TTC16: variants seen among roughly 807,000 people sequenced by gnomAD.
The protein encoded by TTC16 is tetratricopeptide repeat protein 16.
A neutral mutation model predicts 80.4 loss-of-function variants in TTC16; 66 were observed. That is an observed-to-expected ratio of 0.82 (90% CI 0.67 to 1.01). The LOEUF (loss-of-function observed/expected upper bound fraction) is 1.01, where lower values mean the gene tolerates loss of function less well. Among genes scored for constraint, TTC16 ranks in the 50% least tolerant of loss-of-function variants. The pLI is 0.00. For synonymous variants in TTC16, 438 were observed against 451.3 expected (o/e 0.97, Z 0.37); for missense variants, 1,070 against 1,103.2 (o/e 0.97, Z 0.43).
rs1843960368 is a variant in TTC16, at chr9:127,726,410, T to A, written c.1425+6T>A. 1.3e-6 allele frequency: 2 copies of A among 1,586,826 alleles called. No individual in the cohort carries two copies. Among genetic ancestry groups the A allele is most frequent in the African/African-American group, 2.7e-5 (2 of 74,268 alleles). On this transcript the variant is annotated splice_donor_region_variant and intron_variant, in intron 10 of 13. Transcript: ENST00000373289. The stretch of plus-strand genomic sequence containing the variant: ...TCAACCCCAAGCAACCAAAGGTAGG[T>A]TCCTGCCACGTCAGGAGTGTAGGCT...
In TTC16 at chr9:127,727,709, T is replaced by C. The variant is rs151023266; in HGVS notation, c.1764+244T>C. 9.6e-4 allele frequency: 710 copies of C among 738,810 alleles called. 3 individuals carry two copies. Among genetic ancestry groups the C allele is most frequent in the South Asian group, 3.7e-3 (106 of 28,734 alleles). The allele number at this position is 738,810 out of a possible 1,614,324, so 45.8% of individuals were successfully genotyped here. On this transcript the variant is annotated intron_variant, in intron 12 of 13. Coordinates refer to ENST00000373289, the MANE Select transcript of TTC16 (RefSeq NM_144965.3). The stretch of plus-strand genomic sequence containing the variant: ...GAGAGAGGAGTCACAGCCCTGCTCA[T>C]GGTCACTGTCATGAATTCTACTGTA...
At position 127,720,323 on chromosome 9, in the gene TTC16, C is replaced by T. The variant is rs201199680; in HGVS notation, c.585C>T (p.Asn195=). The stretch of plus-strand genomic sequence containing the variant: ...AGGCCTGCCTCACGCTCATCACCAA[C>T]GAGCTGAAGCAGGACACCACCAACG... ...QHQACLTLIT[N]ELKQDTTNAD... is the part of the protein sequence containing the mutation. Residue 195 remains asparagine (N), a synonymous_variant, in exon 6 of 14, where the codon AAC becomes AAT. Coordinates refer to ENST00000373289, the MANE Select transcript of TTC16 (RefSeq NM_144965.3). 1.3e-4 allele frequency: 205 copies of T among 1,613,392 alleles called. No individual in the cohort carries two copies. Among genetic ancestry groups the T allele is most frequent in the Middle Eastern group, 1.6e-4 (1 of 6,084 alleles).
At chr9:127,719,504 T>C (rs1304873535) in intron 4 of TTC16, among the ~76,000 whole-genome samples, 1 of 152,194 alleles carries the variant, frequency 6.6e-6, no homozygotes, top group African/African-American at 2.4e-5. Flanking sequence ...TGTTTTGTTT[T>C]GTTTTTGAGA....
At chr9:127,721,189 CCAGG>C (rs1425974403) in intron 6 of TTC16, among the ~76,000 whole-genome samples, 1 of 151,644 alleles carries the variant, frequency 6.6e-6, no homozygotes, top group Non-Finnish European at 1.5e-5. Context: ...GGAGCCTCCA[CCAGG>C]TGTCCCCAGG....
intron 12 of TTC16, chr9:127,729,334 A>C: frequency 4.3e-6 from 2 of 462,868 alleles, no homozygotes; most frequent in East Asian, 3.9e-5. Context: ...GCAGTTGAAA[A>C]AAACCAAGGC....
intron 2 of TTC16, 52 bp from the exon 3 acceptor site, chr9:127,717,282 G>C: frequency 6.4e-7 from 1 of 1,569,910 alleles, no homozygotes; most frequent in South Asian, 1.1e-5. Context: ...CTATGCCCTG[G>C]GCTGGTCCAC....
chr9:127,724,004 G>C, intron 7 of TTC16, 116 bp from the exon 8 acceptor site: 1 of 1,375,290 alleles, frequency 7.3e-7, no homozygotes, highest in Non-Finnish European at 9.6e-7. Context: ...GATCCCCACT[G>C]CCTCCATGGG....
chr9:127,727,684 G>T, intron 12 of TTC16: 1 of 948,982 alleles, frequency 1.1e-6, no homozygotes, highest in Non-Finnish European at 1.5e-6. Context: ...TGGGCCCTCA[G>T]AGAGAGGAGT....
chr9:127,728,026 C>T (rs1342687436), intron 12 of TTC16: 1 of 152,240 alleles, frequency 6.6e-6, no homozygotes, highest in Admixed American at 6.5e-5. Flanking sequence ...CACCCGGCCC[C>T]CAGAATTTTC....
At position 127,724,863 on chromosome 9, in the gene TTC16, CAGG is replaced by C. The variant is rs1179027468; in HGVS notation, c.1228_1230del (p.Glu410del). On this transcript the variant is annotated inframe_deletion, in exon 9 of 14. Transcript: ENST00000373289. ...CGCCAACACGCGCATGGGCCTGCTG[CAGG>C]AGAAGATGGGCTTCTGCGAGCAGAG... The C allele has an allele frequency of 1.3e-6, 2 of 1,579,370 alleles. No homozygotes were observed. Among genetic ancestry groups the C allele is most frequent in the Non-Finnish European group, 1.7e-6 (2 of 1,165,016 alleles).
chr9:127,726,807 A>C (rs1334830483), intron 10 of TTC16, among the ~76,000 whole-genome samples, 163 bp from the exon 11 acceptor site: 2 of 21,340 alleles, frequency 9.4e-5, no homozygotes, highest in East Asian at 4.7e-4. Flanking sequence ...AAAAAAAAAA[A>C]AAAAAAAAAA....
chr9:127,720,406 G>GGT lies in TTC16; in HGVS notation c.657+11_657+12insGT. On this transcript the variant is annotated intron_variant, in intron 6 of 13. Coordinates refer to ENST00000373289, the MANE Select transcript of TTC16 (RefSeq NM_144965.3). ...AACTTTCTCCAGAAGGTACAGTGGG[G>GGT]AGGGCGGGCAGGGGCATGCCCCCCA... 1 of 1,606,144 alleles carries GGT rather than the reference G, an allele frequency of 6.2e-7. No individual in the cohort carries two copies. The highest frequency in any genetic ancestry group is 8.5e-7 in the Non-Finnish European group (1 of 1,174,358).
Position 127,730,622 on chromosome 9 carries a change from C to T in TTC16, c.1853-14C>T. 1 of 1,608,204 alleles carries T rather than the reference C, an allele frequency of 6.2e-7. No individual in the cohort carries two copies. The highest frequency in any genetic ancestry group is 1.1e-5 in the South Asian group (1 of 90,826). ...CGGCAGGCCTGATGGGTGCTTTTGGCACCCCCTTCCTAGTCAGGACCACAG... is the reference window on the plus strand; with the variant it reads ...CGGCAGGCCTGATGGGTGCTTTTGGTACCCCCTTCCTAGTCAGGACCACAG... On this transcript the variant is annotated splice_polypyrimidine_tract_variant and intron_variant, in intron 13 of 13. Coordinates refer to ENST00000373289, the MANE Select transcript of TTC16 (RefSeq NM_144965.3).
rs998537897 is a variant in TTC16, at chr9:127,731,522, C to A, written c.*117C>A. 2.0e-6 allele frequency: 3 copies of A among 1,480,084 alleles called. No homozygotes were observed. The highest frequency in any genetic ancestry group is 2.7e-6 in the Non-Finnish European group (3 of 1,118,964). 91.7% of individuals were successfully genotyped at this position (1,480,084 alleles called of 1,614,324 possible). On this transcript the variant is annotated 3_prime_UTR_variant, in exon 14 of 14. Coordinates refer to ENST00000373289, the MANE Select transcript of TTC16 (RefSeq NM_144965.3). ...AGCAATTAAAAGTCTTAGCAACAGT[C>A]CTCTGGTCCCACAGCTGAGTTTATT...
intron 9 of TTC16, 77 bp from the exon 10 acceptor site, chr9:127,726,162 C>A: frequency 7.3e-7 from 1 of 1,363,274 alleles, no homozygotes; most frequent in Admixed American, 2.4e-5. Context: ...TCTAACTCCT[C>A]AGTGGGGCCC....
Position 127,730,830 on chromosome 9 carries a change from A to T in TTC16, c.2047A>T (p.Ser683Cys). 6.2e-7 allele frequency: 1 copy of T among 1,613,366 alleles called. No homozygotes were observed. The highest frequency in any genetic ancestry group is 8.5e-7 in the Non-Finnish European group (1 of 1,179,894). ...CACCCAGGGCCAGAGGCAGAGCCTT[A>T]GCAAGACTGAGCCCACCCAGAGCCA... is the stretch of plus-strand genomic sequence containing the variant. ...KATQGQRQSLSKTEPTQSQRR... is the reference protein window; with the variant it reads ...KATQGQRQSLCKTEPTQSQRR... The change falls in exon 14 of 14, where the codon AGC (serine) becomes TGC (cysteine). Residue 683 changes from serine to cysteine, a missense_variant. Physicochemically the swap from Ser to Cys is moderately radical, Grantham distance 112. Transcript: ENST00000373289.
At position 127,722,233 on chromosome 9, in the gene TTC16, T is replaced by C. The variant is rs1345909168; in HGVS notation, c.658-886T>C. Among the ~76,000 whole-genome samples the C allele has an allele frequency of 6.6e-6, 1 of 152,044 alleles. No individual in the cohort carries two copies. The highest frequency in any genetic ancestry group is 1.5e-5 in the Non-Finnish European group (1 of 67,966). On this transcript the variant is annotated intron_variant, in intron 6 of 13. Transcript: ENST00000373289. The surrounding 1 kb of genome is among the most constrained non-coding windows in gnomAD (Gnocchi z 4.2). ...AGCTCCTGCCATTTCCCTCCCTCCCTCCACCCACACCTGCTGTCCACACCA... is the reference window on the plus strand; with the variant it reads ...AGCTCCTGCCATTTCCCTCCCTCCCCCCACCCACACCTGCTGTCCACACCA...
intron 4 of TTC16, among the ~76,000 whole-genome samples, chr9:127,719,400 G>A (rs887851013): frequency 6.6e-6 from 1 of 152,180 alleles, no homozygotes; most frequent in Non-Finnish European, 1.5e-5. Flanking sequence ...GAGAAAACAA[G>A]TTCAAGTTCT....
At chr9:127,727,592 G>C (rs967480698) in intron 12 of TTC16, 127 bp downstream of exon 12, 1 of 1,435,234 alleles carries the variant, frequency 7.0e-7, no homozygotes, top group Non-Finnish European at 9.1e-7. Context: ...TCCCTCAGCT[G>C]TGTGATGGGC....
Sources: allele counts gnomAD v4.1 joint callset (sites outside exome capture counted in the v4.1 genomes callset), GRCh38; gene constraint gnomAD v4.1.1; non-coding constraint Gnocchi (gnomAD v3.1); transcripts MANE v1.5; gene names NCBI Gene and HGNC (gene_info 2026-07-23, HGNC 2026-07-21).